The following CENPP variants were observed in gnomAD, a reference collection of about 807,000 sequenced individuals.
The protein encoded by CENPP is centromere protein P.
A neutral mutation model predicts 35.6 loss-of-function variants in CENPP; 24 were observed. That is an observed-to-expected ratio of 0.67 (90% CI 0.49 to 0.95). The LOEUF is 0.95. Among genes scored for constraint, CENPP ranks in the 40% least tolerant of loss-of-function variants. CENPP has a pLI of 0.00. For missense variants in CENPP, 332 were observed against 345.3 expected (o/e 0.96, Z 0.31); for synonymous variants, 120 against 125.5 (o/e 0.96, Z 0.29).
chr9:92,452,660 T>C (rs1844747237), intron 5 of CENPP, among the ~76,000 whole-genome samples: 1 of 152,168 alleles, frequency 6.6e-6, no homozygotes, highest in Non-Finnish European at 1.5e-5. Context: ...ATTGGAATAG[T>C]TTCAGAAGGA....
rs576040776 is a variant in CENPP, at chr9:92,442,099, G to T, written c.564+62240G>T. Among the ~76,000 whole-genome samples the T allele has an allele frequency of 2.6e-5, 4 of 151,898 alleles. No homozygotes were observed. In the South Asian group the frequency reaches 8.3e-4, roughly 32 times the overall value. ...ATAAAACATTATAAGTTAAAATTTA[G>T]ATATATATAAAAACAAGGCCGGGCA... On this transcript the variant is annotated intron_variant, in intron 5 of 7. Transcript: ENST00000375587.
At chr9:92,533,778 T>C (rs1477793639) in intron 5 of CENPP, among the ~76,000 whole-genome samples, 1 of 152,150 alleles carries the variant, frequency 6.6e-6, no homozygotes, top group Non-Finnish European at 1.5e-5. Flanking sequence ...AGAATTACGG[T>C]TTCAAAATCA....
chr9:92,571,253 G>T (rs1850131426), intron 5 of CENPP, among the ~76,000 whole-genome samples: 1 of 152,182 alleles, frequency 6.6e-6, no homozygotes, highest in Non-Finnish European at 1.5e-5. Flanking sequence ...TGCTTTAAAT[G>T]TGTCCCAGAG....
Position 92,572,149 on chromosome 9 carries a change from T to G in CENPP, c.565-39165T>G, listed in dbSNP as rs377194403. Among the ~76,000 whole-genome samples the G allele has an allele frequency of 3.3e-5, 5 of 152,290 alleles. No homozygotes were observed. The East Asian group carries it at 9.7e-4, about 29-fold the overall frequency. ...TGTCATTATGATGTTAGCTGGTTAT[T>G]TTGCTGGTGAGTTGATGCAGTTTCT... is the stretch of plus-strand genomic sequence containing the variant. On this transcript the variant is annotated intron_variant, in intron 5 of 7. Transcript: ENST00000375587.
intron 5 of CENPP, 122 bp from the exon 6 acceptor site, chr9:92,611,192 A>G: frequency 3.9e-6 from 3 of 763,478 alleles, no homozygotes; most frequent in Non-Finnish European, 6.9e-6. Context: ...GCACCCATGG[A>G]TGCTGCGCAA....
chr9:92,554,939 AG>A (rs1286543752), intron 5 of CENPP, among the ~76,000 whole-genome samples: 2 of 152,018 alleles, frequency 1.3e-5, no homozygotes, highest in Non-Finnish European at 2.9e-5. Context: ...CCTGGCCTTC[AG>A]TTAGCTAGTA....
At position 92,337,577 on chromosome 9, in the gene CENPP, G is replaced by A. The variant is rs1219469185; in HGVS notation, c.326G>A (p.Gly109Glu). The A allele has an allele frequency of 3.1e-6, 5 of 1,609,448 alleles. No homozygotes were observed. Among genetic ancestry groups the A allele is most frequent in the South Asian group, 1.1e-5 (1 of 90,950 alleles). ...GTTCTACAGAGACACAGATTATCAG[G>A]AAATTGCCACATGGTTACATTTCAA... is the stretch of plus-strand genomic sequence containing the variant. ...RKVLQRHRLS[G>E]NCHMVTFQLE... The change falls in exon 3 of 8, where the codon GGA (glycine) becomes GAA (glutamate). Residue 109 changes from glycine (G) to glutamate (E), a missense_variant. Gly to Glu is a moderately conservative substitution (Grantham distance 98). Coordinates refer to ENST00000375587, the MANE Select transcript of CENPP (RefSeq NM_001012267.3).
chr9:92,361,275 G>A (rs1326840987), intron 4 of CENPP, among the ~76,000 whole-genome samples: 1 of 151,124 alleles, frequency 6.6e-6, no homozygotes, highest in African/African-American at 2.4e-5. Flanking sequence ...CTAGTAGCTG[G>A]GACTACAGGC....
chr9:92,376,068 T>G (rs961528770), intron 4 of CENPP, among the ~76,000 whole-genome samples: 3 of 152,196 alleles, frequency 2.0e-5, no homozygotes, highest in African/African-American at 7.2e-5. Flanking sequence ...CAACCCTGCC[T>G]TAGTCCTGTC....
Position 92,425,416 on chromosome 9 carries a change from A to G in CENPP, c.564+45557A>G, listed in dbSNP as rs141427405. Among the ~76,000 whole-genome samples, 5 of 152,326 alleles carry G rather than the reference A, an allele frequency of 3.3e-5. No individual in the cohort carries two copies. In the East Asian group the frequency reaches 7.7e-4, roughly 23 times the overall value. ...TAGATTTAGAAAATTTCTTCATTTC[A>G]TAGAGCTATCTCTCCTGAATAGTAA... On this transcript the variant is annotated intron_variant, in intron 5 of 7. Transcript: ENST00000375587.
intron 5 of CENPP, chr9:92,457,199 T>C: frequency 6.7e-7 from 1 of 1,497,238 alleles, no homozygotes; most frequent in Non-Finnish European, 8.9e-7. Context: ...CTTGTATATA[T>C]AATACTACCA....
chr9:92,455,370 A>G (rs1277269512), intron 5 of CENPP, among the ~76,000 whole-genome samples: 1 of 152,156 alleles, frequency 6.6e-6, no homozygotes, highest in East Asian at 1.9e-4. Context: ...AGCCTGGGCA[A>G]CAGAGCAAGA....
chr9:92,400,377 C>T (rs1298181138), intron 5 of CENPP, among the ~76,000 whole-genome samples: 1 of 152,192 alleles, frequency 6.6e-6, no homozygotes, highest in Non-Finnish European at 1.5e-5. Context: ...TCTTGAACTC[C>T]TGACCTCGTG....
chr9:92,400,674 G>A (rs1308150494), intron 5 of CENPP, among the ~76,000 whole-genome samples: 2 of 152,166 alleles, frequency 1.3e-5, no homozygotes. Flanking sequence ...TTCATGACAA[G>A]TTTTCTATTT....
intron 5 of CENPP, among the ~76,000 whole-genome samples, chr9:92,518,246 T>TC (rs1435686813): frequency 1.3e-5 from 2 of 152,256 alleles, no homozygotes; most frequent in Non-Finnish European, 2.9e-5. Context: ...GCTCAGCTCA[T>TC]CATATTCACT....
chr9:92,370,685 T>A (rs2130851636), intron 4 of CENPP, among the ~76,000 whole-genome samples: 2 of 152,324 alleles, frequency 1.3e-5, no homozygotes, highest in South Asian at 4.1e-4. Context: ...TTTCACCATG[T>A]TGGCCAAGCT....
intron 1 of CENPP, 41 bp from the exon 2 acceptor site, chr9:92,332,129 G>T: frequency 7.3e-7 from 1 of 1,372,848 alleles, no homozygotes; most frequent in Non-Finnish European, 1.0e-6. Context: ...TGAAACACGT[G>T]TTAGTAATTG....
chr9:92,326,006 C>G lies in CENPP; in HGVS notation c.8C>G (p.Ala3Gly). 6.4e-7 allele frequency: 1 copy of G among 1,551,812 alleles called. No homozygotes were observed. Among genetic ancestry groups the G allele is most frequent in the Non-Finnish European group, 8.7e-7 (1 of 1,147,852 alleles). ...TGCGGTCAGCAACGCGCCATGGACG[C>G]AGAGCTGGCAGAGGTGCGCGCCTTG... The part of the protein sequence containing the change: MD[A>G]ELAEVRALQA... Residue 3 changes from alanine to glycine, a missense_variant, in exon 1 of 8, where the codon GCA (alanine) becomes GGA (glycine). Physicochemically the swap from Ala to Gly is moderately conservative, Grantham distance 60 (BLOSUM62 0). Transcript: ENST00000375587.
At chr9:92,483,450 G>A (rs960751919) in intron 5 of CENPP, among the ~76,000 whole-genome samples, 5 of 152,072 alleles carry the variant, frequency 3.3e-5, no homozygotes, top group Non-Finnish European at 7.4e-5. Context: ...GGATGGTCTC[G>A]ATCTCCTGAC....
Sources: gnomAD v4.1 joint callset for allele counts (sites outside exome capture counted in the v4.1 genomes callset) on GRCh38, gnomAD v4.1.1 for gene constraint, MANE v1.5 for transcripts, NCBI Gene and HGNC (gene_info 2026-07-23, HGNC 2026-07-21) for gene names.